ZFHX3: variants seen among roughly 807,000 people sequenced by gnomAD.
ZFHX3 encodes zinc finger homeobox 3.
A neutral mutation model predicts 279.1 loss-of-function variants in ZFHX3; 42 were observed. The ratio of observed to expected loss-of-function variants is 0.15; its 90% CI spans 0.12 to 0.19. The LOEUF (loss-of-function observed/expected upper bound fraction) is 0.19, where lower values mean the gene tolerates loss of function less well. Among genes scored for constraint, ZFHX3 ranks in the 10% least tolerant of loss-of-function variants. ZFHX3 has a pLI of 1.00. For synonymous variants in ZFHX3, 2,293 were observed against 1,957.8 expected, an observed-to-expected ratio of 1.17 and a Z score of -4.52; for missense variants, 4,981 against 4,754.0, an observed-to-expected ratio of 1.05 and a Z score of -1.40.
At chr16:72,971,650 C>T (rs1389718595) in intron 1 of ZFHX3, among the ~76,000 whole-genome samples, 2 of 152,064 alleles carry the variant, frequency 1.3e-5, no homozygotes, top group African/African-American at 4.8e-5. Flanking sequence ...CTGGAACGTG[C>T]CAAACTGTCC....
chr16:72,989,527 C>T (rs554717154), intron 1 of ZFHX3, among the ~76,000 whole-genome samples: 25 of 151,514 alleles, frequency 1.7e-4, no homozygotes, highest in Middle Eastern at 3.5e-3. Flanking sequence ...CCAGCCAATG[C>T]GAGAAGCAGG....
Position 73,093,716 on chromosome 16 carries a change from C to T in ZFHX3, c.-896-118G>A, listed in dbSNP as rs986907739. 4 of 214,210 alleles carry T rather than the reference C, an allele frequency of 1.9e-5. No individual in the cohort carries two copies. The East Asian group carries it at 3.3e-4, about 18-fold the overall frequency. 13.3% of individuals were successfully genotyped at this position (214,210 alleles called of 1,614,324 possible). On this transcript the variant is annotated intron_variant, in intron 7 of 17. Coordinates refer to the ZFHX3 transcript ENST00000641206. ...TTATCTCACCATAATGCCCTCCTGG[C>T]GGCGTTCCCAGGAAAATTCTAACTA...
chr16:73,709,401 GAAAAA>G (rs895469222), intron 1 of ZFHX3, among the ~76,000 whole-genome samples: 1 of 150,562 alleles, frequency 6.6e-6, no homozygotes, highest in Non-Finnish European at 1.5e-5. Context: ...AAAAAGAAAA[GAAAAA>G]AAGAGAAATG....
intron 3 of ZFHX3, among the ~76,000 whole-genome samples, chr16:73,454,383 G>T (rs2018334872): frequency 1.3e-5 from 2 of 152,026 alleles, no homozygotes; most frequent in African/African-American, 4.8e-5. Context: ...CAGACTTAGT[G>T]GAAATTTTGA....
chr16:73,718,708 T>C (rs1272123924), intron 1 of ZFHX3, among the ~76,000 whole-genome samples: 16 of 151,662 alleles, frequency 1.1e-4, no homozygotes. Context: ...CTCCACCTCC[T>C]GGGTTCAAGC....
intron 1 of ZFHX3, among the ~76,000 whole-genome samples, chr16:73,721,525 G>C (rs77190292): frequency 0.017 from 2,613 of 152,250 alleles, 75 homozygotes; most frequent in African/African-American, 0.06. Flanking sequence ...GCTAGGATCT[G>C]AATCTGTAAT....
chr16:73,098,822 A>G lies in ZFHX3; in HGVS notation c.-896-5224T>C, dbSNP rs976140064. On this transcript the variant is annotated intron_variant, in intron 7 of 17. Coordinates refer to the ZFHX3 transcript ENST00000641206. Reference sequence around the variant, plus strand: ...ACTGTCAACGCCGCCGCTTCAAAGGACTTCTTGCAGTCATCCTCTGGCATT... The same window carrying G: ...ACTGTCAACGCCGCCGCTTCAAAGGGCTTCTTGCAGTCATCCTCTGGCATT... 3 of 152,054 alleles carry G rather than the reference A, an allele frequency of 2.0e-5. No individual in the cohort carries two copies. The East Asian group carries it at 5.8e-4, about 29-fold the overall frequency. 9.4% of individuals were successfully genotyped at this position (152,054 alleles called of 1,614,324 possible).
Position 73,604,887 on chromosome 16 carries a change from C to T in ZFHX3, c.-1547+75293G>A, listed in dbSNP as rs117731824. Among the ~76,000 whole-genome samples, 23 of 152,158 alleles carry T rather than the reference C, an allele frequency of 1.5e-4. No homozygotes were observed. In the East Asian group the frequency reaches 4.5e-3, roughly 29 times the overall value. ...GATGTCTGGACCTTTTTTTCAATCT[C>T]TACTGGGGTAGACTGAGGCAGAAGA... On this transcript the variant is annotated intron_variant, in intron 2 of 17. Transcript: ENST00000641206.
At chr16:73,248,859 G>T (rs577291264) in intron 5 of ZFHX3, among the ~76,000 whole-genome samples, 1 of 151,972 alleles carries the variant, frequency 6.6e-6, no homozygotes, top group Non-Finnish European at 1.5e-5. Flanking sequence ...TGAGCAGGAT[G>T]GTATTTTAAA....
At chr16:73,497,814 A>G (rs1284314447) in intron 2 of ZFHX3, among the ~76,000 whole-genome samples, 1 of 152,208 alleles carries the variant, frequency 6.6e-6, no homozygotes, top group Admixed American at 6.5e-5. Context: ...GAAAGGAGAA[A>G]GGATTATAAG....
intron 5 of ZFHX3, among the ~76,000 whole-genome samples, chr16:73,230,437 T>TA (rs1005929154): frequency 1.3e-5 from 2 of 151,874 alleles, no homozygotes; most frequent in African/African-American, 4.8e-5. Context: ...CTCAATGATA[T>TA]AAAAAAAATA....
chr16:73,831,946 G>A (rs566654774), intron 1 of ZFHX3, among the ~76,000 whole-genome samples: 1 of 152,312 alleles, frequency 6.6e-6, no homozygotes, highest in East Asian at 1.9e-4. Flanking sequence ...TGTCACCCAG[G>A]CTGGAGTGCA....
Position 72,787,151 on chromosome 16 carries a change from TC to T in ZFHX3, c.*12del. Reference sequence around the variant, plus strand: ...ATTTAAATTCATTTGTTTGTATTGTTCATCTTCAAAGCTTACAATCTGAAGG... The same window carrying T: ...ATTTAAATTCATTTGTTTGTATTGTTATCTTCAAAGCTTACAATCTGAAGG... On this transcript the variant is annotated 3_prime_UTR_variant, in exon 10 of 10. Coordinates refer to ENST00000268489, the MANE Select transcript of ZFHX3 (RefSeq NM_006885.4). The T allele has an allele frequency of 6.8e-7, 1 of 1,480,124 alleles. No individual in the cohort carries two copies. Among genetic ancestry groups the T allele is most frequent in the Non-Finnish European group, 9.0e-7 (1 of 1,107,904 alleles). The allele number at this position is 1,480,124 out of a possible 1,614,324, so 91.7% of individuals were successfully genotyped here.
intron 4 of ZFHX3, among the ~76,000 whole-genome samples, chr16:73,307,542 G>C (rs548407733): frequency 2.0e-5 from 3 of 152,184 alleles, no homozygotes; most frequent in African/African-American, 4.8e-5. Context: ...CAGTAGCCAA[G>C]TCAAGGTTAA....
At chr16:73,232,376 G>C (rs550370017) in intron 5 of ZFHX3, 1 of 152,222 alleles carries the variant, frequency 6.6e-6, no homozygotes, top group Admixed American at 6.5e-5. Flanking sequence ...GCAGGCAAAG[G>C]CTGCTGCGGG....
chr16:73,692,876 C>T (rs575674957), intron 1 of ZFHX3, among the ~76,000 whole-genome samples: 3 of 152,056 alleles, frequency 2.0e-5, no homozygotes, highest in South Asian at 2.1e-4. Context: ...ACCAGAGCTC[C>T]GAATGAAACA....
In ZFHX3 at chr16:73,203,998, A is replaced by G. The variant is rs149959638; in HGVS notation, c.-1104+53049T>C. Among the ~76,000 whole-genome samples, 156 of 152,322 alleles carry G rather than the reference A, an allele frequency of 1.0e-3. 2 individuals carry two copies. The highest frequency in any genetic ancestry group is 3.5e-3 in the African/African-American group (144 of 41,576). On this transcript the variant is annotated intron_variant, in intron 5 of 17. Coordinates refer to the ZFHX3 transcript ENST00000641206. ...AGCCAAAATTACTTTGAACTCTGTT[A>G]ACCTATGATTTTACAACTTGAATGG...
At chr16:73,677,109 A>G (rs1268979682) in intron 2 of ZFHX3, among the ~76,000 whole-genome samples, 1 of 151,958 alleles carries the variant, frequency 6.6e-6, no homozygotes, top group African/African-American at 2.4e-5. Flanking sequence ...ATTTCCAGTG[A>G]CCATGGATTC....
At chr16:73,063,101 C>T (rs1224769036), upstream of ZFHX3, among the ~76,000 whole-genome samples, 1 of 152,204 alleles carries the variant, frequency 6.6e-6, no homozygotes, top group Non-Finnish European at 1.5e-5. Flanking sequence ...GGTCTCTGCA[C>T]GGGATCCAAG....
Sources: allele counts gnomAD v4.1 joint callset (sites outside exome capture counted in the v4.1 genomes callset), GRCh38; gene constraint gnomAD v4.1.1; transcripts MANE v1.5; gene names NCBI Gene and HGNC (gene_info 2026-07-23, HGNC 2026-07-21).